Variants in SCAF11 observed in about 807,000 individuals in gnomAD.
SCAF11 encodes SR-related CTD associated factor 11.
In SCAF11, 47 loss-of-function variants were observed where a neutral mutation model predicts 140.5. The observed-to-expected ratio is 0.33, with a 90% CI of 0.26 to 0.43. The LOEUF is 0.43. SCAF11 is among the 20% of genes least tolerant of loss of function. The pLI, the probability that SCAF11 is intolerant of heterozygous loss-of-function variation, is 1.00. For synonymous variants in SCAF11, 557 were observed against 579.4 expected (o/e 0.96, Z 0.55); for missense variants, 1,645 against 1,705.1 (o/e 0.96, Z 0.62).
At chr12:45,978,989 T>A (rs1424591144) in intron 1 of SCAF11, among the ~76,000 whole-genome samples, 1 of 151,800 alleles carries the variant, frequency 6.6e-6, no homozygotes, top group Non-Finnish European at 1.5e-5. Context: ...AAGTCTAAGA[T>A]CAAGGCATCA....
At chr12:45,939,699 C>T (rs532024526) in intron 6 of SCAF11, among the ~76,000 whole-genome samples, 103 of 152,204 alleles carry the variant, frequency 6.8e-4, no homozygotes, top group African/African-American at 2.4e-3. Context: ...GCAACAAGAC[C>T]GAAACTCCAT....
intron 1 of SCAF11, among the ~76,000 whole-genome samples, chr12:45,984,954 C>A (rs995859338): frequency 6.6e-6 from 1 of 152,222 alleles, no homozygotes; most frequent in African/African-American, 2.4e-5. Flanking sequence ...CTTGGCCTCC[C>A]AAAGTGCTGG....
intron 1 of SCAF11, among the ~76,000 whole-genome samples, chr12:45,985,191 G>C (rs151258002): frequency 9.9e-5 from 15 of 152,250 alleles, no homozygotes; most frequent in Non-Finnish European, 7.4e-5. Flanking sequence ...TCCAATTTCA[G>C]TCCGCAAGAT....
rs1565658346 is a variant in SCAF11, at chr12:45,926,712, T to C, written c.2989A>G (p.Arg997Gly). The change falls in exon 11 of 15, where the codon AGA (arginine) becomes GGA (glycine). Residue 997 changes from arginine to glycine, a missense_variant. Transcript: ENST00000369367. ...AGATGGATGTCATTTTTTTCTTTTC[T>C]TGTATTTTCATTCTGTTTCTCTGGG... ...NDPEKQNENT[R>G]KEKNDIHLDA... 2 of 1,613,284 alleles carry C rather than the reference T, an allele frequency of 1.2e-6. No individual in the cohort carries two copies. The highest frequency in any genetic ancestry group is 1.7e-6 in the Non-Finnish European group (2 of 1,179,904).
At chr12:45,988,904 T>C (rs760107848) in intron 1 of SCAF11, among the ~76,000 whole-genome samples, 5 of 152,062 alleles carry the variant, frequency 3.3e-5, no homozygotes, top group Non-Finnish European at 7.4e-5. Context: ...TCACATTGCA[T>C]AAAAAATATA....
intron 3 of SCAF11, among the ~76,000 whole-genome samples, chr12:45,958,067 A>AT (rs764679460): frequency 2.9e-3 from 413 of 144,378 alleles, no homozygotes; most frequent in African/African-American, 5.8e-3. Context: ...TGCCTGGCTA[A>AT]TTTTTTTTTT....
chr12:45,976,593 G>C (rs1946240778), intron 1 of SCAF11, among the ~76,000 whole-genome samples: 1 of 151,768 alleles, frequency 6.6e-6, no homozygotes, highest in Non-Finnish European at 1.5e-5. Context: ...CAGTTAAAAT[G>C]GAATACTAAA....
intron 1 of SCAF11, among the ~76,000 whole-genome samples, chr12:45,970,879 C>T (rs1038684188): frequency 2.6e-5 from 4 of 152,228 alleles, no homozygotes; most frequent in Admixed American, 1.3e-4. Context: ...CTAAAATTCT[C>T]GTGCAGTGTG....
chr12:45,976,787 A>C, intron 1 of SCAF11, among the ~76,000 whole-genome samples: 1 of 152,112 alleles, frequency 6.6e-6, no homozygotes, highest in Non-Finnish European at 1.5e-5. Flanking sequence ...CTTGCACCTT[A>C]AACTAAAAAA....
At chr12:45,953,836 T>G in intron 3 of SCAF11, 1 of 907,318 alleles carries the variant, frequency 1.1e-6, no homozygotes, top group Non-Finnish European at 1.5e-6. Context: ...ACCTCTAAGG[T>G]TTTTATGGGA....
In SCAF11 at chr12:45,919,988, T is replaced by A. The variant is rs1236254868; in HGVS notation, c.*2060A>T. The A allele has an allele frequency of 6.6e-6, 1 of 152,256 alleles. No homozygotes were observed. Among genetic ancestry groups the A allele is most frequent in the East Asian group, 1.9e-4 (1 of 5,204 alleles). The allele number at this position is 152,256 out of a possible 1,614,324, so 9.4% of individuals were successfully genotyped here. ...CAAAATACTTTCAATGTTCACAAAATTGTTTCTAGAGTTCTAATCTAAAAC... is the reference window on the plus strand; with the variant it reads ...CAAAATACTTTCAATGTTCACAAAAATGTTTCTAGAGTTCTAATCTAAAAC... On this transcript the variant is annotated 3_prime_UTR_variant, in exon 15 of 15. Coordinates refer to ENST00000369367, the MANE Select transcript of SCAF11 (RefSeq NM_004719.3).
intron 5 of SCAF11, among the ~76,000 whole-genome samples, chr12:45,947,746 A>G (rs563052323): frequency 4.8e-4 from 73 of 152,310 alleles, no homozygotes; most frequent in African/African-American, 1.6e-3. Flanking sequence ...GTGTGATCAT[A>G]GCTCACTGCA....
intron 4 of SCAF11, among the ~76,000 whole-genome samples, chr12:45,949,244 C>T (rs548188727): frequency 1.3e-5 from 2 of 152,134 alleles, no homozygotes; most frequent in Non-Finnish European, 2.9e-5. Context: ...ACAACAGTCA[C>T]TAGCCACATA....
chr12:45,980,525 G>A (rs1946325088), intron 1 of SCAF11, among the ~76,000 whole-genome samples: 1 of 152,082 alleles, frequency 6.6e-6, no homozygotes, highest in East Asian at 1.9e-4. Context: ...GAAACACCTA[G>A]CAAGTGATGG....
intron 5 of SCAF11, among the ~76,000 whole-genome samples, chr12:45,948,010 A>G (rs1945465306): frequency 6.6e-6 from 1 of 152,170 alleles, no homozygotes; most frequent in Admixed American, 6.5e-5. Flanking sequence ...TGAACATTTT[A>G]TTTTACAAAA....
chr12:45,972,987 GAT>G (rs1183684875), intron 1 of SCAF11, among the ~76,000 whole-genome samples: 1 of 132,804 alleles, frequency 7.5e-6, no homozygotes, highest in Non-Finnish European at 1.5e-5. Context: ...TAGATATATA[GAT>G]ATAGATATAT....
At position 45,990,350 on chromosome 12, in the gene SCAF11, T is replaced by C. The variant is rs1946567734; in HGVS notation, c.-22+3A>G. 3 of 1,232,054 alleles carry C rather than the reference T, an allele frequency of 2.4e-6. No individual in the cohort carries two copies. The highest frequency in any genetic ancestry group is 3.0e-6 in the Non-Finnish European group (3 of 988,278). The allele number at this position is 1,232,054 out of a possible 1,614,324, so 76.3% of individuals were successfully genotyped here. A position where few individuals can be genotyped will look rare whatever the true frequency, so the allele number is the denominator to read the frequency against. On this transcript the variant is annotated splice_donor_region_variant and intron_variant, in intron 1 of 14. Coordinates refer to ENST00000369367, the MANE Select transcript of SCAF11 (RefSeq NM_004719.3). ...TCCACCCCGCGGGTCGACCAGTGTT[T>C]ACCTCAGACCGAGGTCGAGGCGCTC...
At chr12:45,946,377 A>G (rs1375809664) in intron 5 of SCAF11, among the ~76,000 whole-genome samples, 6 of 152,236 alleles carry the variant, frequency 3.9e-5, no homozygotes, top group African/African-American at 1.4e-4. Flanking sequence ...CAAGACTCCA[A>G]AAAAGAGTAT....
intron 3 of SCAF11, among the ~76,000 whole-genome samples, chr12:45,959,036 C>T (rs1443087301): frequency 1.3e-5 from 2 of 152,116 alleles, no homozygotes; most frequent in African/African-American, 2.4e-5. Context: ...GCTTGATATT[C>T]CTTCTGAATC....
Sources: gnomAD v4.1 joint callset for allele counts (sites outside exome capture counted in the v4.1 genomes callset) on GRCh38, gnomAD v4.1.1 for gene constraint, MANE v1.5 for transcripts, NCBI Gene and HGNC (gene_info 2026-07-23, HGNC 2026-07-21) for gene names.